KLHL29: variants seen among roughly 807,000 people sequenced by gnomAD.
The protein encoded by KLHL29 is kelch like family member 29.
Under a neutral mutation model 80.4 loss-of-function variants are expected in KLHL29, and 21 were observed. The ratio of observed to expected loss-of-function variants is 0.26; its 90% CI spans 0.19 to 0.38. KLHL29 has a LOEUF of 0.38. KLHL29 is among the 10% of genes least tolerant of loss of function. The pLI is 1.00. For missense variants in KLHL29, 867 were observed against 1,223.9 expected, an observed-to-expected ratio of 0.71 and a Z score of 4.35; for synonymous variants, 511 against 526.8, an observed-to-expected ratio of 0.97 and a Z score of 0.41.
intron 3 of KLHL29, among the ~76,000 whole-genome samples, chr2:23,595,028 G>A (rs1668362083): frequency 6.6e-6 from 1 of 152,166 alleles, no homozygotes; most frequent in South Asian, 2.1e-4. Flanking sequence ...GTATTCGTGT[G>A]CTTTGTAAAT....
chr2:23,521,850 G>A (rs1456143977), intron 2 of KLHL29, among the ~76,000 whole-genome samples: 1 of 152,202 alleles, frequency 6.6e-6, no homozygotes, highest in Non-Finnish European at 1.5e-5. Flanking sequence ...ATGCAATGAT[G>A]CATCAATACT....
intron 3 of KLHL29, among the ~76,000 whole-genome samples, chr2:23,638,399 T>TC (rs1250711639): frequency 6.6e-6 from 1 of 152,122 alleles, no homozygotes; most frequent in Non-Finnish European, 1.5e-5. Flanking sequence ...GTTTTTTTTT[T>TC]CACTCTGAGG....
rs751288455 is a variant in KLHL29 at position 23,428,422 on chromosome 2, C to G, written c.-154+42642C>G. 7.0e-4 allele frequency among the ~76,000 whole-genome samples: 106 copies of G among 152,324 alleles called. No individual in the cohort carries two copies. In the Middle Eastern group the frequency reaches 0.017, roughly 24 times the overall value. ...CAACTTCTATCCCTCCTTCCTGGCA[C>G]TCCATAATCACTTTACTATGCTTTG... is the stretch of plus-strand genomic sequence containing the variant. On this transcript the variant is annotated intron_variant, in intron 1 of 13. Transcript: ENST00000486442.
chr2:23,613,501 C>G (rs1201170512), intron 3 of KLHL29, among the ~76,000 whole-genome samples: 2 of 152,124 alleles, frequency 1.3e-5, no homozygotes, highest in East Asian at 3.9e-4. Context: ...CACGGTGGCT[C>G]GTGCCTGTGA....
chr2:23,554,316 C>T (rs1189298209), intron 2 of KLHL29, among the ~76,000 whole-genome samples: 1 of 152,236 alleles, frequency 6.6e-6, no homozygotes, highest in African/African-American at 2.4e-5. Flanking sequence ...CTGTTCCAAT[C>T]GACTTGGCAG....
At chr2:23,650,569 A>G (rs959888762) in intron 5 of KLHL29, among the ~76,000 whole-genome samples, 8 of 152,200 alleles carry the variant, frequency 5.3e-5, no homozygotes, top group Non-Finnish European at 1.0e-4. Context: ...ACAAGAGTCC[A>G]TCATCTCTGA....
At chr2:23,566,243 A>G (rs1667587020) in intron 3 of KLHL29, among the ~76,000 whole-genome samples, 1 of 152,202 alleles carries the variant, frequency 6.6e-6, no homozygotes, top group South Asian at 2.1e-4. Flanking sequence ...GCCCCGCAAC[A>G]CACACTCATG....
intron 2 of KLHL29, among the ~76,000 whole-genome samples, chr2:23,543,478 T>A (rs1666900375): frequency 6.6e-6 from 1 of 152,172 alleles, no homozygotes; most frequent in Admixed American, 6.5e-5. Context: ...TTTTCTTGTT[T>A]CTTCTCCCGG....
chr2:23,676,344 G>A (rs184831082), intron 5 of KLHL29, among the ~76,000 whole-genome samples: 22 of 152,260 alleles, frequency 1.4e-4, no homozygotes, highest in African/African-American at 3.9e-4. Flanking sequence ...TACCATGCCC[G>A]GCTAATTTTT....
chr2:23,465,390 G>A (rs918894648), intron 1 of KLHL29, among the ~76,000 whole-genome samples: 2 of 152,208 alleles, frequency 1.3e-5, no homozygotes, highest in East Asian at 3.8e-4. Context: ...TGTGTGTGAG[G>A]GCACCTAGCA....
chr2:23,479,119 C>G (rs1664717333), intron 2 of KLHL29, among the ~76,000 whole-genome samples: 1 of 151,656 alleles, frequency 6.6e-6, no homozygotes, highest in Admixed American at 6.6e-5. Flanking sequence ...GACACAGACA[C>G]TCTGCTGCCC....
chr2:23,513,275 T>C (rs540310841), intron 2 of KLHL29, among the ~76,000 whole-genome samples: 1 of 152,304 alleles, frequency 6.6e-6, no homozygotes, highest in Non-Finnish European at 1.5e-5. Context: ...AACAATCTTA[T>C]AGAAATCTGC....
intron 2 of KLHL29, among the ~76,000 whole-genome samples, chr2:23,519,813 T>A (rs1306870786): frequency 5.9e-5 from 9 of 151,938 alleles, no homozygotes; most frequent in Non-Finnish European, 1.0e-4. Flanking sequence ...AGACCCAAAG[T>A]GAGGAGGGAG....
chr2:23,598,286 A>T (rs1219560511), intron 3 of KLHL29, among the ~76,000 whole-genome samples: 1 of 152,226 alleles, frequency 6.6e-6, no homozygotes, highest in African/African-American at 2.4e-5. Flanking sequence ...AGGGAAGTTC[A>T]TTTACCAAGA....
chr2:23,502,495 G>A (rs555562942), intron 2 of KLHL29, among the ~76,000 whole-genome samples: 1 of 152,348 alleles, frequency 6.6e-6, no homozygotes, highest in Non-Finnish European at 1.5e-5. Flanking sequence ...TGGCCCCTAA[G>A]GGGGAGGACA....
At chr2:23,499,359 A>G (rs1316339614) in intron 2 of KLHL29, among the ~76,000 whole-genome samples, 3 of 152,152 alleles carry the variant, frequency 2.0e-5, no homozygotes, top group African/African-American at 7.2e-5. Context: ...CTTACAGGAA[A>G]TGGACAGATT....
chr2:23,451,213 C>T (rs1216662303), intron 1 of KLHL29, among the ~76,000 whole-genome samples: 2 of 152,142 alleles, frequency 1.3e-5, no homozygotes, highest in Admixed American at 6.5e-5. Context: ...TGTCTGTCTC[C>T]TCATCTTAAT....
chr2:23,553,934 A>C (rs945262344), intron 2 of KLHL29, among the ~76,000 whole-genome samples: 6 of 152,136 alleles, frequency 3.9e-5, no homozygotes, highest in African/African-American at 1.2e-4. Flanking sequence ...AGGCCTTTTG[A>C]GTCTGGCTTC....
At chr2:23,613,600 C>T (rs1668922861) in intron 3 of KLHL29, among the ~76,000 whole-genome samples, 1 of 152,032 alleles carries the variant, frequency 6.6e-6, no homozygotes, top group East Asian at 1.9e-4. Context: ...CCCATCTCTA[C>T]TAAAAATACA....
Sources: allele counts gnomAD v4.1 joint callset (sites outside exome capture counted in the v4.1 genomes callset), GRCh38; gene constraint gnomAD v4.1.1; transcripts MANE v1.5; gene names NCBI Gene and HGNC (gene_info 2026-07-23, HGNC 2026-07-21).